Variants in PCDH15 observed in about 807,000 individuals in gnomAD.
The protein encoded by PCDH15 is protocadherin related 15.
PCDH15 carries 129 observed loss-of-function variants against 178.5 expected under a neutral mutation model. That is an observed-to-expected ratio of 0.72 (90% CI 0.63 to 0.84). The LOEUF is 0.84. Ranked by LOEUF, PCDH15 falls within the 40% of genes least tolerant of loss-of-function variation. The pLI is 0.00. For missense variants in PCDH15, 2,230 were observed against 2,099.9 expected, an observed-to-expected ratio of 1.06 and a Z score of -1.21; for synonymous variants, 800 against 732.0, an observed-to-expected ratio of 1.09 and a Z score of -1.50.
chr10:54,831,089 T>C (rs74136299), intron 3 of PCDH15, among the ~76,000 whole-genome samples: 12,607 of 152,156 alleles, frequency 0.083, 584 homozygotes, highest in South Asian at 0.12. Context: ...TTGTACCTAG[T>C]GCTTAATTTA....
chr10:54,970,037 AT>A (rs1450559401), intron 2 of PCDH15, among the ~76,000 whole-genome samples: 1 of 152,178 alleles, frequency 6.6e-6, no homozygotes, highest in African/African-American at 2.4e-5. Flanking sequence ...TTATTAAGAA[AT>A]GAGTCCTTAG....
intron 1 of PCDH15, among the ~76,000 whole-genome samples, chr10:54,703,282 G>T (rs1016957562): frequency 6.6e-6 from 1 of 151,990 alleles, no homozygotes; most frequent in Non-Finnish European, 1.5e-5. Context: ...TACTGAATGA[G>T]CAAAAGCAGG....
chr10:54,918,258 C>T (rs1837394169), intron 2 of PCDH15, among the ~76,000 whole-genome samples: 1 of 151,700 alleles, frequency 6.6e-6, no homozygotes, highest in Non-Finnish European at 1.5e-5. Context: ...TGAAATTAAA[C>T]AGAAAAATCA....
chr10:54,390,651 CT>C (rs1220392579), intron 3 of PCDH15, among the ~76,000 whole-genome samples: 2 of 152,096 alleles, frequency 1.3e-5, no homozygotes, highest in Admixed American at 6.5e-5. Context: ...TCTTATATTC[CT>C]GTCTTGACTA....
At chr10:55,194,708 G>C (rs896434971) in intron 1 of PCDH15, among the ~76,000 whole-genome samples, 7 of 151,554 alleles carry the variant, frequency 4.6e-5, no homozygotes, top group African/African-American at 1.7e-4. Context: ...ATATATACTA[G>C]ACATATACCA....
Position 54,700,937 on chromosome 10 carries a change from G to GA in PCDH15, c.-28-36648dup, listed in dbSNP as rs1484955365. Among the ~76,000 whole-genome samples the GA allele has an allele frequency of 5.9e-5, 9 of 152,082 alleles. No homozygotes were observed. The South Asian group carries it at 1.9e-3, about 32-fold the overall frequency. ...AAGATTCTCCTAGGTCAAAATGAAAGAAAAAATGTTAAATGCTGCTAGAAA... is the reference window on the plus strand; with the variant it reads ...AAGATTCTCCTAGGTCAAAATGAAAGAAAAAAATGTTAAATGCTGCTAGAAA... On this transcript the variant is annotated intron_variant, in intron 1 of 37. Transcript: ENST00000644397.
chr10:55,242,219 T>C (rs572344983), intron 1 of PCDH15, among the ~76,000 whole-genome samples: 2 of 152,282 alleles, frequency 1.3e-5, no homozygotes, highest in African/African-American at 2.4e-5. Context: ...TCAGTTCCTA[T>C]GGGTAGCTGC....
At chr10:54,832,789 A>G (rs1465895443) in intron 3 of PCDH15, among the ~76,000 whole-genome samples, 1 of 152,182 alleles carries the variant, frequency 6.6e-6, no homozygotes, top group African/African-American at 2.4e-5. Context: ...GTTAACAGAT[A>G]AAAATAGAGT....
At chr10:55,136,201 T>C (rs1838194214) in intron 2 of PCDH15, among the ~76,000 whole-genome samples, 1 of 152,160 alleles carries the variant, frequency 6.6e-6, no homozygotes. Context: ...TTCACCATGC[T>C]GTAAATTTGG....
chr10:54,219,532 G>A (rs1401768839), intron 9 of PCDH15, among the ~76,000 whole-genome samples: 1 of 143,222 alleles, frequency 7.0e-6, no homozygotes, highest in Non-Finnish European at 1.5e-5. Context: ...GGTGGAGCTT[G>A]CAGTGAGCCA....
intron 8 of PCDH15, among the ~76,000 whole-genome samples, chr10:54,287,763 A>G (rs1304436089): frequency 5.3e-5 from 8 of 152,158 alleles, no homozygotes; most frequent in Admixed American, 1.3e-4. Flanking sequence ...ATTAACAGAT[A>G]TTAATTATAT....
intron 28 of PCDH15, among the ~76,000 whole-genome samples, chr10:53,848,892 G>A (rs1485122272): frequency 2.6e-5 from 4 of 151,862 alleles, no homozygotes; most frequent in Non-Finnish European, 5.9e-5. Flanking sequence ...GCAAATAAAG[G>A]CAACATAAAC....
intron 8 of PCDH15, among the ~76,000 whole-genome samples, chr10:54,282,146 C>G (rs61853312): frequency 2.0e-5 from 3 of 151,990 alleles, no homozygotes; most frequent in African/African-American, 7.2e-5. Context: ...CTATATGTGA[C>G]GACAGCAGTG....
At position 55,471,382 on chromosome 10, in the gene PCDH15, T is replaced by C. The variant is rs115587671; in HGVS notation, c.-156+156243A>G. Among the ~76,000 whole-genome samples, 716 of 152,300 alleles carry C rather than the reference T, an allele frequency of 4.7e-3. 7 individuals carry two copies. Among genetic ancestry groups the C allele is most frequent in the African/African-American group, 0.016 (681 of 41,560 alleles). On this transcript the variant is annotated intron_variant, in intron 2 of 5. Transcript: ENST00000613346. ...AGAATAATGTAGAATGTGACAAAAATCATATAATTTATGAATAAGTCATAT... is the reference window on the plus strand; with the variant it reads ...AGAATAATGTAGAATGTGACAAAAACCATATAATTTATGAATAAGTCATAT...
chr10:54,007,735 G>A (rs1043655609), intron 20 of PCDH15, among the ~76,000 whole-genome samples: 9 of 152,036 alleles, frequency 5.9e-5, no homozygotes, highest in African/African-American at 1.7e-4. Flanking sequence ...GATGGACTAG[G>A]CATTAAACAC....
intron 3 of PCDH15, among the ~76,000 whole-genome samples, chr10:54,827,009 C>G (rs1953143149): frequency 6.6e-6 from 1 of 152,052 alleles, no homozygotes; most frequent in African/African-American, 2.4e-5. Context: ...CAAAAACACA[C>G]AAAAACATCC....
intron 2 of PCDH15, chr10:55,596,989 A>G (rs951523939): frequency 2.0e-5 from 3 of 152,152 alleles, no homozygotes; most frequent in Non-Finnish European, 4.4e-5. Context: ...ACAACCTACA[A>G]ACTGGGAGAA....
At chr10:55,437,425 G>A (rs1002059488) in intron 2 of PCDH15, among the ~76,000 whole-genome samples, 3 of 152,098 alleles carry the variant, frequency 2.0e-5, no homozygotes, top group African/African-American at 4.8e-5. Flanking sequence ...ATAGTTACAA[G>A]GAAGCTAAAA....
At chr10:54,747,867 G>T (rs1029614248) in intron 1 of PCDH15, among the ~76,000 whole-genome samples, 2 of 146,798 alleles carry the variant, frequency 1.4e-5, no homozygotes, top group Admixed American at 1.4e-4. Flanking sequence ...GTGCAGTGGC[G>T]TGATCTCCGC....
Sources: gnomAD v4.1 joint callset for allele counts (sites outside exome capture counted in the v4.1 genomes callset) on GRCh38, gnomAD v4.1.1 for gene constraint, MANE v1.5 for transcripts, NCBI Gene and HGNC (gene_info 2026-07-23, HGNC 2026-07-21) for gene names.